The following NCKAP5 variants were observed in gnomAD, a reference collection of about 807,000 sequenced individuals.
The protein encoded by NCKAP5 is nck-associated protein 5.
NCKAP5 carries 92 observed loss-of-function variants against 167.0 expected under a neutral mutation model. The observed-to-expected ratio is 0.55, with a 90% CI of 0.47 to 0.66. The LOEUF is 0.66. NCKAP5 is among the 30% of genes least tolerant of loss of function. The pLI is 0.00. For missense variants in NCKAP5, 2,378 were observed against 2,315.0 expected (o/e 1.03, Z -0.56); for synonymous variants, 891 against 877.4 (o/e 1.02, Z -0.27).
intron 5 of NCKAP5, among the ~76,000 whole-genome samples, chr2:133,149,731 G>T (rs970950574): frequency 6.6e-6 from 1 of 151,978 alleles, no homozygotes; most frequent in African/African-American, 2.4e-5. Context: ...CACTCAATAG[G>T]TATTGCCATT....
intron 3 of NCKAP5, among the ~76,000 whole-genome samples, chr2:133,354,922 T>C (rs1271900695): frequency 6.6e-6 from 1 of 152,102 alleles, no homozygotes; most frequent in Non-Finnish European, 1.5e-5. Flanking sequence ...TCATCTTAGC[T>C]GAAAAATAAA....
intron 6 of NCKAP5, among the ~76,000 whole-genome samples, chr2:133,124,003 A>C (rs2082327076): frequency 6.6e-6 from 1 of 152,222 alleles, no homozygotes; most frequent in South Asian, 2.1e-4. Flanking sequence ...CAATGAATGA[A>C]CGAGTTAAGC....
intron 3 of NCKAP5, among the ~76,000 whole-genome samples, chr2:133,380,043 A>T (rs566969859): frequency 8.5e-5 from 13 of 152,310 alleles, no homozygotes; most frequent in Admixed American, 3.9e-4. Context: ...GCCCCTTTGA[A>T]TCTCATCCTG....
chr2:133,035,868 C>T (rs574272270), intron 6 of NCKAP5, among the ~76,000 whole-genome samples: 1 of 151,458 alleles, frequency 6.6e-6, no homozygotes, highest in Non-Finnish European at 1.5e-5. Flanking sequence ...AAGAAAAATG[C>T]AAAGTATGAA....
At position 133,492,549 on chromosome 2, in the gene NCKAP5, T is replaced by C. The variant is rs551901140; in HGVS notation, c.69+24909A>G. 2.0e-5 allele frequency among the ~76,000 whole-genome samples: 3 copies of C among 152,280 alleles called. No homozygotes were observed. The East Asian group carries it at 5.8e-4, about 29-fold the overall frequency. Reference sequence around the variant, plus strand: ...TGGATCTGGAACGATCAGAAATAGATTCCCTTCTAGGTTCTGTCTCTAACT... The same window carrying C: ...TGGATCTGGAACGATCAGAAATAGACTCCCTTCTAGGTTCTGTCTCTAACT... On this transcript the variant is annotated intron_variant, in intron 3 of 19. Coordinates refer to ENST00000409261, the MANE Select transcript of NCKAP5 (RefSeq NM_207363.3).
chr2:133,495,717 A>C (rs1027286416), intron 3 of NCKAP5, among the ~76,000 whole-genome samples: 1 of 152,208 alleles, frequency 6.6e-6, no homozygotes, highest in African/African-American at 2.4e-5. Flanking sequence ...AAGATTAACT[A>C]GTCATACCTA....
intron 4 of NCKAP5, among the ~76,000 whole-genome samples, chr2:133,241,986 C>T (rs558697015): frequency 1.4e-4 from 21 of 151,770 alleles, no homozygotes; most frequent in South Asian, 4.2e-4. Flanking sequence ...GGCATGGTGG[C>T]GGGTGCCTGT....
Position 132,671,808 on chromosome 2 carries a change from G to A in NCKAP5, c.*1481C>T, listed in dbSNP as rs774319656. 2 of 152,584 alleles carry A rather than the reference G, an allele frequency of 1.3e-5. No homozygotes were observed. The highest frequency in any genetic ancestry group is 2.9e-5 in the Non-Finnish European group (2 of 68,034). The allele number at this position is 152,584 out of a possible 1,614,324, so 9.5% of individuals were successfully genotyped here. On this transcript the variant is annotated 3_prime_UTR_variant, in exon 20 of 20. Coordinates refer to ENST00000409261, the MANE Select transcript of NCKAP5 (RefSeq NM_207363.3). ...TTCTGTTTTCAGAGGGTGCAAATGT[G>A]ATATAACTTTTATTCAGAAAGGAAA...
chr2:132,866,277 T>C (rs1181277243), intron 10 of NCKAP5, among the ~76,000 whole-genome samples: 1 of 152,152 alleles, frequency 6.6e-6, no homozygotes, highest in Non-Finnish European at 1.5e-5. Context: ...AGAACCTAGG[T>C]GAGTTACATT....
At chr2:132,881,498 T>A (rs1433839019) in intron 8 of NCKAP5, among the ~76,000 whole-genome samples, 4 of 152,014 alleles carry the variant, frequency 2.6e-5, no homozygotes, top group Non-Finnish European at 5.9e-5. Context: ...CTTTTTATGT[T>A]TTTTATTTTC....
chr2:132,949,526 C>T (rs562264232), intron 8 of NCKAP5, among the ~76,000 whole-genome samples: 1 of 152,314 alleles, frequency 6.6e-6, no homozygotes, highest in African/African-American at 2.4e-5. Flanking sequence ...CCTGCAGTTT[C>T]CCCTCTGCCC....
intron 11 of NCKAP5, among the ~76,000 whole-genome samples, chr2:132,830,467 A>G (rs965557846): frequency 4.6e-5 from 7 of 151,892 alleles, no homozygotes; most frequent in African/African-American, 1.5e-4. Context: ...GGTAAACAGT[A>G]TCTCACTCCC....
chr2:133,200,297 T>G (rs1574356391), intron 5 of NCKAP5, among the ~76,000 whole-genome samples: 1 of 152,064 alleles, frequency 6.6e-6, no homozygotes, highest in Admixed American at 6.6e-5. Flanking sequence ...TGTAATAGAA[T>G]TCAAAGTTCA....
At chr2:132,946,638 G>C (rs961416050) in intron 8 of NCKAP5, among the ~76,000 whole-genome samples, 1 of 152,098 alleles carries the variant, frequency 6.6e-6, no homozygotes, top group Non-Finnish European at 1.5e-5. Flanking sequence ...GGCTCACACC[G>C]GTAATCCTAG....
the NCKAP5 span, among the ~76,000 whole-genome samples, chr2:133,665,511 A>G: frequency 6.6e-6 from 1 of 152,218 alleles, no homozygotes; most frequent in South Asian, 2.1e-4. Context: ...TGATACCTCA[A>G]AACAATTGCA....
At chr2:133,419,979 C>A (rs1380706460) in intron 3 of NCKAP5, among the ~76,000 whole-genome samples, 1 of 152,146 alleles carries the variant, frequency 6.6e-6, no homozygotes, top group Non-Finnish European at 1.5e-5. Context: ...CTTTTGTATT[C>A]CAGTATTCTG....
chr2:132,986,797 G>T (rs2077302897), intron 7 of NCKAP5, among the ~76,000 whole-genome samples: 1 of 152,138 alleles, frequency 6.6e-6, no homozygotes, highest in Non-Finnish European at 1.5e-5. Context: ...AGGAAAGAAG[G>T]AAGTTGTATG....
intron 3 of NCKAP5, among the ~76,000 whole-genome samples, chr2:133,437,514 A>T (rs1403502405): frequency 6.6e-6 from 1 of 152,204 alleles, no homozygotes; most frequent in Non-Finnish European, 1.5e-5. Context: ...TAGAGAGTAA[A>T]CTAAAGCCTT....
At chr2:133,617,102 G>A in the NCKAP5 span, among the ~76,000 whole-genome samples, 15,070 of 152,046 alleles carry the variant, frequency 0.099, 844 homozygotes, top group African/African-American at 0.14. Context: ...AAATTCAACA[G>A]CCCTTCATGC....
Sources: allele counts gnomAD v4.1 joint callset (sites outside exome capture counted in the v4.1 genomes callset), GRCh38; gene constraint gnomAD v4.1.1; transcripts MANE v1.5; gene names NCBI Gene and HGNC (gene_info 2026-07-23, HGNC 2026-07-21).